RAPGEF5: variants seen among roughly 807,000 people sequenced by gnomAD.
RAPGEF5 encodes M-Ras-regulated GEF.
RAPGEF5 carries 65 observed loss-of-function variants against 125.2 expected under a neutral mutation model. That is an observed-to-expected ratio of 0.52 (90% confidence interval 0.43 to 0.64). The LOEUF (loss-of-function observed/expected upper bound fraction) is 0.64, where lower values mean the gene tolerates loss of function less well. RAPGEF5 is among the 30% of genes least tolerant of loss of function. The pLI, the probability that RAPGEF5 is intolerant of heterozygous loss-of-function variation, is 0.00. For synonymous variants in RAPGEF5, 391 were observed against 385.9 expected (o/e 1.01, Z -0.16); for missense variants, 958 against 1,048.1 (o/e 0.91, Z 1.19).
At chr7:22,238,214 T>C (rs1284292512) in intron 7 of RAPGEF5, among the ~76,000 whole-genome samples, 1 of 152,228 alleles carries the variant, frequency 6.6e-6, no homozygotes, top group East Asian at 1.9e-4. Flanking sequence ...AGCATTTACT[T>C]ATTAGGGCTA....
chr7:22,172,461 A>G (rs972169638), intron 11 of RAPGEF5, among the ~76,000 whole-genome samples: 13 of 152,038 alleles, frequency 8.6e-5, no homozygotes, highest in African/African-American at 2.4e-4. Flanking sequence ...TAATTATCTA[A>G]TTTTATTTAA....
intron 6 of RAPGEF5, among the ~76,000 whole-genome samples, chr7:22,289,457 T>A (rs1782879451): frequency 6.6e-6 from 1 of 152,242 alleles, no homozygotes; most frequent in Non-Finnish European, 1.5e-5. Flanking sequence ...TACTTCATAG[T>A]GCTGTTGTAC....
At chr7:22,194,063 G>A (rs771840450) in intron 9 of RAPGEF5, 30 bp from the exon 10 acceptor site, 19 of 1,561,418 alleles carry the variant, frequency 1.2e-5, no homozygotes, top group Non-Finnish European at 1.6e-5. Flanking sequence ...TGATGGATGA[G>A]AGAAGGAAAA....
At chr7:22,310,520 T>C (rs1783443709) in intron 3 of RAPGEF5, among the ~76,000 whole-genome samples, 2 of 152,216 alleles carry the variant, frequency 1.3e-5, no homozygotes, top group African/African-American at 2.4e-5. Flanking sequence ...ATAGAGATAA[T>C]GCTTTTACCT....
At chr7:22,169,571 C>T (rs1307843813) in intron 11 of RAPGEF5, among the ~76,000 whole-genome samples, 1 of 151,700 alleles carries the variant, frequency 6.6e-6, no homozygotes, top group Non-Finnish European at 1.5e-5. Context: ...TAAGCTGAAT[C>T]TGGCCAGGTG....
intron 11 of RAPGEF5, among the ~76,000 whole-genome samples, chr7:22,184,146 C>T (rs1331130855): frequency 6.6e-6 from 1 of 152,184 alleles, no homozygotes; most frequent in African/African-American, 2.4e-5. Flanking sequence ...TTAAATATTA[C>T]AAGTTAATTA....
At chr7:22,327,232 C>A (rs1198678676) in intron 1 of RAPGEF5, among the ~76,000 whole-genome samples, 1 of 152,182 alleles carries the variant, frequency 6.6e-6, no homozygotes, top group African/African-American at 2.4e-5. Flanking sequence ...GAATGCCTTT[C>A]TACTCATGTT....
rs937465270 is a variant in RAPGEF5, at chr7:22,225,558, G to C, written c.870+5288C>G. Among the ~76,000 whole-genome samples the C allele has an allele frequency of 2.0e-5, 3 of 152,184 alleles. No individual in the cohort carries two copies. The South Asian group carries it at 6.2e-4, about 31-fold the overall frequency. ...TATGCGGAAGCATCATGCCAAACTAGATGTTCCTCAGGGTCCCTTTCAGAG... is the reference window on the plus strand; with the variant it reads ...TATGCGGAAGCATCATGCCAAACTACATGTTCCTCAGGGTCCCTTTCAGAG... On this transcript the variant is annotated intron_variant, in intron 8 of 25. Coordinates refer to ENST00000665637, the MANE Select transcript of RAPGEF5 (RefSeq NM_012294.5).
Position 22,318,028 on chromosome 7 carries a change from T to C in RAPGEF5, c.241A>G (p.Arg81Gly), listed in dbSNP as rs1189413243. Residue 81 changes from arginine (R) to glycine (G), a missense_variant, in exon 2 of 26, where the codon AGA (arginine) becomes GGA (glycine). Coordinates refer to ENST00000665637, the MANE Select transcript of RAPGEF5 (RefSeq NM_012294.5). Reference sequence around the variant, plus strand: ...TCAAGGTACGGATTAGATATTCTTCTTGATAGAGTCTATTTTAAACAAAGA... The same window carrying C: ...TCAAGGTACGGATTAGATATTCTTCCTGATAGAGTCTATTTTAAACAAAGA... ...RSAAGGRTLS[R>G]RISNPYLEHT... 47 of 1,541,468 alleles carry C rather than the reference T, an allele frequency of 3.0e-5. No individual in the cohort carries two copies. The highest frequency in any genetic ancestry group is 3.9e-5 in the Non-Finnish European group (45 of 1,144,692).
intron 9 of RAPGEF5, among the ~76,000 whole-genome samples, chr7:22,214,098 G>C (rs944284011): frequency 1.2e-4 from 19 of 152,150 alleles, no homozygotes; most frequent in African/African-American, 4.3e-4. Context: ...AGGAACCTTT[G>C]ACGTAGGCAG....
chr7:22,351,253 A>G (rs981562914), intron 1 of RAPGEF5, among the ~76,000 whole-genome samples: 3 of 152,182 alleles, frequency 2.0e-5, no homozygotes, highest in African/African-American at 7.2e-5. Flanking sequence ...GCCTATAACC[A>G]CAATGCTTCT....
In RAPGEF5 at chr7:22,276,533, C is replaced by T. The variant is rs200691167; in HGVS notation, c.748-9521G>A. On this transcript the variant is annotated intron_variant, in intron 6 of 25. Transcript: ENST00000665637. Reference sequence around the variant, plus strand: ...TTTGTAGGGACAGATTCCTGTAGAACCTTGTAGGGATGTTACATTACAAAG... The same window carrying T: ...TTTGTAGGGACAGATTCCTGTAGAATCTTGTAGGGATGTTACATTACAAAG... 3.9e-5 allele frequency among the ~76,000 whole-genome samples: 6 copies of T among 152,158 alleles called. No homozygotes were observed. In the East Asian group the frequency reaches 1.2e-3, roughly 29 times the overall value.
At chr7:22,233,477 C>G (rs1786110508) in intron 7 of RAPGEF5, among the ~76,000 whole-genome samples, 1 of 151,940 alleles carries the variant, frequency 6.6e-6, no homozygotes, top group Non-Finnish European at 1.5e-5. Context: ...TTTTTCTTAC[C>G]TTATTATACT....
chr7:22,322,994 G>C (rs928485260), intron 1 of RAPGEF5, among the ~76,000 whole-genome samples: 8 of 152,176 alleles, frequency 5.3e-5, no homozygotes, highest in African/African-American at 1.9e-4. Flanking sequence ...TGAAGAAGAG[G>C]TACTGTCATT....
At chr7:22,306,006 A>T (rs1237153560) in intron 5 of RAPGEF5, among the ~76,000 whole-genome samples, 2 of 152,218 alleles carry the variant, frequency 1.3e-5, no homozygotes, top group Non-Finnish European at 2.9e-5. Context: ...ACAGTGATGC[A>T]AAAAACATAG....
At chr7:22,132,953 C>T (rs1162970432) in intron 23 of RAPGEF5, among the ~76,000 whole-genome samples, 1 of 152,184 alleles carries the variant, frequency 6.6e-6, no homozygotes, top group Non-Finnish European at 1.5e-5. Flanking sequence ...AGGCTGGCTC[C>T]CCCTCACCAC....
At chr7:22,301,437 A>C (rs1783198441) in intron 5 of RAPGEF5, among the ~76,000 whole-genome samples, 1 of 152,046 alleles carries the variant, frequency 6.6e-6, no homozygotes, top group African/African-American at 2.4e-5. Context: ...AACACAGTGA[A>C]ACCCCATCTC....
chr7:22,161,381 GA>G (rs998358879), intron 13 of RAPGEF5, among the ~76,000 whole-genome samples: 4 of 151,910 alleles, frequency 2.6e-5, no homozygotes, highest in Admixed American at 6.6e-5. Context: ...CTACTAAAAA[GA>G]AAAAATTAGC....
At chr7:22,349,594 T>C (rs922172977) in intron 1 of RAPGEF5, among the ~76,000 whole-genome samples, 6 of 152,206 alleles carry the variant, frequency 3.9e-5, no homozygotes, top group Non-Finnish European at 5.9e-5. Context: ...AATTATCACA[T>C]GTACCCTGAA....
Sources: allele counts gnomAD v4.1 joint callset (sites outside exome capture counted in the v4.1 genomes callset), GRCh38; gene constraint gnomAD v4.1.1; transcripts MANE v1.5; gene names NCBI Gene and HGNC (gene_info 2026-07-23, HGNC 2026-07-21).